The following ATP10B variants were observed in gnomAD, a reference collection of about 807,000 sequenced individuals.
The protein encoded by ATP10B is ATPase phospholipid transporting 10B (putative).
Under a neutral mutation model 141.2 loss-of-function variants are expected in ATP10B, and 122 were observed. The ratio of observed to expected loss-of-function variants is 0.86; its 90% CI spans 0.75 to 1.00. The LOEUF (loss-of-function observed/expected upper bound fraction) is 1.00, where lower values mean the gene tolerates loss of function less well. ATP10B is among the 50% of genes least tolerant of loss of function. ATP10B has a pLI of 0.00. For synonymous variants in ATP10B, 685 were observed against 692.0 expected (o/e 0.99, Z 0.16); for missense variants, 1,876 against 1,825.3 (o/e 1.03, Z -0.51).
chr5:160,837,115 C>T (rs920724317), intron 1 of ATP10B, among the ~76,000 whole-genome samples: 1 of 152,114 alleles, frequency 6.6e-6, no homozygotes, highest in Non-Finnish European at 1.5e-5. Flanking sequence ...CATGTTTTCT[C>T]ATCATTGCTG....
intron 2 of ATP10B, among the ~76,000 whole-genome samples, chr5:160,776,317 T>C (rs4072305): frequency 0.13 from 19,106 of 152,250 alleles, 1,478 homozygotes; most frequent in Middle Eastern, 0.18. Flanking sequence ...GGGCAAGTTA[T>C]TTACCTTCTT....
At chr5:160,912,827 T>C in the ATP10B span, among the ~76,000 whole-genome samples, 5 of 152,224 alleles carry the variant, frequency 3.3e-5, no homozygotes, top group African/African-American at 9.6e-5. Flanking sequence ...TGCCACACTT[T>C]CCTGTGTTCT....
intron 1 of ATP10B, among the ~76,000 whole-genome samples, chr5:160,833,789 T>C (rs989233374): frequency 6.6e-6 from 1 of 152,300 alleles, no homozygotes; most frequent in Admixed American, 6.5e-5. Context: ...TTTAAATCAA[T>C]TACATTTGGC....
the ATP10B span, among the ~76,000 whole-genome samples, chr5:160,870,589 A>G: frequency 6.6e-6 from 1 of 152,164 alleles, no homozygotes; most frequent in Non-Finnish European, 1.5e-5. Flanking sequence ...CAACTAAAAA[A>G]GACGTAACAT....
chr5:160,594,243 TAAAG>T (rs1756524100), intron 22 of ATP10B, among the ~76,000 whole-genome samples: 1 of 152,156 alleles, frequency 6.6e-6, no homozygotes, highest in Admixed American at 6.5e-5. Context: ...TCAACATTCT[TAAAG>T]AAAAGAATTT....
At chr5:160,793,408 C>T (rs948166324) in intron 1 of ATP10B, among the ~76,000 whole-genome samples, 1 of 152,160 alleles carries the variant, frequency 6.6e-6, no homozygotes, top group Non-Finnish European at 1.5e-5. Context: ...AGTATTTCCA[C>T]TCTGTAGACC....
At chr5:160,878,816 C>T in the ATP10B span, among the ~76,000 whole-genome samples, 1 of 151,038 alleles carries the variant, frequency 6.6e-6, no homozygotes, top group Non-Finnish European at 1.5e-5. Flanking sequence ...CAGAGAAATG[C>T]AAATCAAAAC....
intron 8 of ATP10B, 65 bp from the exon 9 acceptor site, chr5:160,644,309 G>T: frequency 9.1e-7 from 1 of 1,101,100 alleles, no homozygotes; most frequent in Non-Finnish European, 1.4e-6. Flanking sequence ...ACTGGGTACT[G>T]TCACAGAACT....
rs557105538 is a variant in ATP10B at position 160,829,071 on chromosome 5, G to C, written c.-576+22870C>G. ...GGGGACTGTTGTGGGGTGGGGGGAG[G>C]GGGGAGGGATAGCATTAGGAGATAT... On this transcript the variant is annotated intron_variant, in intron 1 of 25. Transcript: ENST00000327245. Among the ~76,000 whole-genome samples, 11 of 107,790 alleles carry C rather than the reference G, an allele frequency of 1.0e-4. 1 individual carries two copies. In the South Asian group the frequency reaches 1.6e-3, roughly 16 times the overall value. 70.7% of individuals were successfully genotyped at this position (107,790 alleles called of 152,430 possible).
chr5:160,842,713 C>G (rs1775881849), intron 1 of ATP10B, among the ~76,000 whole-genome samples: 1 of 151,480 alleles, frequency 6.6e-6, no homozygotes, highest in South Asian at 2.1e-4. Flanking sequence ...GGATATAGCC[C>G]TAGAAAAATA....
intron 13 of ATP10B, 129 bp downstream of exon 13, chr5:160,632,000 T>C (rs1012507070): frequency 2.1e-5 from 16 of 773,760 alleles, no homozygotes; most frequent in African/African-American, 3.5e-5. Context: ...GTGGAGTATG[T>C]ACAAAACCAA....
At chr5:160,813,963 C>A (rs1210552442) in intron 1 of ATP10B, among the ~76,000 whole-genome samples, 1 of 152,092 alleles carries the variant, frequency 6.6e-6, no homozygotes, top group Non-Finnish European at 1.5e-5. Context: ...AAAGGACACC[C>A]ACACCAAAAC....
intron 2 of ATP10B, among the ~76,000 whole-genome samples, chr5:160,721,492 AT>A (rs1765998682): frequency 6.6e-6 from 1 of 152,166 alleles, no homozygotes; most frequent in Non-Finnish European, 1.5e-5. Flanking sequence ...GCTTCTGAAA[AT>A]TAAACTTTTA....
In ATP10B at chr5:160,634,406, C is replaced by T; in HGVS notation, c.1329G>A (p.Met443Ile). 4.3e-6 allele frequency: 7 copies of T among 1,614,126 alleles called. No individual in the cohort carries two copies. The highest frequency in any genetic ancestry group is 5.9e-6 in the Non-Finnish European group (7 of 1,180,024). The change falls in exon 12 of 26, where the codon ATG (methionine) becomes ATA (isoleucine). Residue 443 changes from methionine (M) to isoleucine (I), a missense_variant. By Grantham distance (10) the Met-to-Ile change is conservative. Transcript: ENST00000327245. ...DKTGTLTENK[M>I]VFRRCTIMGS... is the part of the protein sequence containing the mutation. ...CCATGATGGTGCAACGTCGGAACAC[C>T]ATCTTGTTCTCTGTCAGGGTCCCCG...
At chr5:160,664,239 C>T (rs1365258515) in intron 7 of ATP10B, among the ~76,000 whole-genome samples, 1 of 152,154 alleles carries the variant, frequency 6.6e-6, no homozygotes, top group Non-Finnish European at 1.5e-5. Flanking sequence ...CAAGAGCAGG[C>T]AAGGTTAGAA....
the ATP10B span, among the ~76,000 whole-genome samples, chr5:160,857,870 CTG>C: frequency 2.0e-5 from 3 of 151,866 alleles, no homozygotes; most frequent in African/African-American, 4.8e-5. Context: ...AGAATGCACT[CTG>C]TACAATTTTA....
Position 160,784,399 on chromosome 5 carries a change from C to A in ATP10B, c.-331+1160G>T, listed in dbSNP as rs1199462499. ...TCTAAAAAACTAATTTTTAGCTTTT[C>A]TTTTCCTGTTGATGCCTTTTCAGGC... On this transcript the variant is annotated intron_variant, in intron 2 of 25. Coordinates refer to ENST00000327245, the MANE Select transcript of ATP10B (RefSeq NM_025153.3). 2.6e-5 allele frequency among the ~76,000 whole-genome samples: 4 copies of A among 152,288 alleles called. No homozygotes were observed. In the East Asian group the frequency reaches 7.7e-4, roughly 29 times the overall value.
the ATP10B span, among the ~76,000 whole-genome samples, chr5:160,857,907 A>G: frequency 1.3e-5 from 2 of 151,838 alleles, no homozygotes; most frequent in Non-Finnish European, 2.9e-5. Flanking sequence ...GTCGACATTC[A>G]TTTTGTGGCT....
intron 6 of ATP10B, among the ~76,000 whole-genome samples, chr5:160,678,914 AC>A (rs1226923543): frequency 2.0e-5 from 3 of 152,108 alleles, no homozygotes; most frequent in Non-Finnish European, 4.4e-5. Context: ...TCATTGCTTT[AC>A]TCACCCTGTG....
Sources: gnomAD v4.1 joint callset for allele counts (sites outside exome capture counted in the v4.1 genomes callset) on GRCh38, gnomAD v4.1.1 for gene constraint, MANE v1.5 for transcripts, NCBI Gene and HGNC (gene_info 2026-07-23, HGNC 2026-07-21) for gene names.